Variants in EPB41L2 observed in about 807,000 individuals in gnomAD.
EPB41L2 encodes the protein erythrocyte membrane protein band 4.1 like 2, also known as band 4.1-like protein 2.
In EPB41L2, 43 loss-of-function variants were observed where a neutral mutation model predicts 113.0. That is an observed-to-expected ratio of 0.38 (90% CI 0.30 to 0.49). EPB41L2 has a LOEUF of 0.49. Among genes scored for constraint, EPB41L2 ranks in the 20% least tolerant of loss-of-function variants. The pLI, the probability that EPB41L2 is intolerant of heterozygous loss-of-function variation, is 0.95. For missense variants in EPB41L2, 1,147 were observed against 1,223.4 expected (o/e 0.94, Z 0.93); for synonymous variants, 442 against 436.7 (o/e 1.01, Z -0.15).
chr6:130,847,553 A>G (rs929122085), intron 19 of EPB41L2, among the ~76,000 whole-genome samples: 4 of 152,206 alleles, frequency 2.6e-5, no homozygotes, highest in Admixed American at 1.3e-4. Flanking sequence ...GAATTGCATT[A>G]TATCTTTAGG....
intron 14 of EPB41L2, among the ~76,000 whole-genome samples, chr6:130,877,727 CTTTA>C (rs988609933): frequency 2.0e-5 from 3 of 151,958 alleles, no homozygotes; most frequent in Non-Finnish European, 4.4e-5. Context: ...GCCTATATTT[CTTTA>C]TTTATTAATT....
At chr6:130,934,637 T>G (rs1808130941) in intron 3 of EPB41L2, among the ~76,000 whole-genome samples, 1 of 152,020 alleles carries the variant, frequency 6.6e-6, no homozygotes, top group Admixed American at 6.6e-5. Flanking sequence ...CATGCCTGGC[T>G]AATTTTTAAA....
chr6:130,849,945 C>G (rs1454812948), intron 19 of EPB41L2, among the ~76,000 whole-genome samples: 1 of 152,038 alleles, frequency 6.6e-6, no homozygotes, highest in Non-Finnish European at 1.5e-5. Context: ...GTCAAAAACC[C>G]TTGGTGGGCA....
chr6:130,908,397 T>C (rs982209478), intron 5 of EPB41L2, among the ~76,000 whole-genome samples: 2 of 152,128 alleles, frequency 1.3e-5, no homozygotes, highest in Non-Finnish European at 2.9e-5. Context: ...CTCACTCCAG[T>C]ACATCCAGGA....
At chr6:130,894,925 C>T (rs1439112566) in intron 9 of EPB41L2, 42 bp downstream of exon 9, 5 of 1,561,948 alleles carry the variant, frequency 3.2e-6, no homozygotes. Context: ...TGGTCGTAAA[C>T]AGGCCGACTA....
chr6:130,872,816 C>T (rs1786203023), intron 14 of EPB41L2, among the ~76,000 whole-genome samples: 2 of 152,136 alleles, frequency 1.3e-5, no homozygotes, highest in Admixed American at 1.3e-4. Flanking sequence ...CCGACCCACC[C>T]AAACGCCATT....
At chr6:130,958,771 A>C (rs1033883080) in intron 1 of EPB41L2, among the ~76,000 whole-genome samples, 1 of 152,222 alleles carries the variant, frequency 6.6e-6, no homozygotes, top group Admixed American at 6.5e-5. Context: ...TAATGAAGTA[A>C]GAAAGGAAGG....
chr6:131,062,753 C>T (rs1320347267), intron 1 of EPB41L2, among the ~76,000 whole-genome samples: 1 of 152,090 alleles, frequency 6.6e-6, no homozygotes, highest in South Asian at 2.1e-4. Context: ...GACGCGTGAC[C>T]TGAGCCCACG....
intron 10 of EPB41L2, among the ~76,000 whole-genome samples, chr6:130,890,910 T>C (rs1792622453): frequency 6.6e-6 from 1 of 152,220 alleles, no homozygotes. Flanking sequence ...AAGTGATTCT[T>C]TCCCATGAAG....
At chr6:131,054,936 A>T (rs1164814926) in intron 1 of EPB41L2, among the ~76,000 whole-genome samples, 1 of 152,224 alleles carries the variant, frequency 6.6e-6, no homozygotes, top group Non-Finnish European at 1.5e-5. Context: ...GATGTACCTA[A>T]TCACAAGAAA....
intron 7 of EPB41L2, among the ~76,000 whole-genome samples, chr6:130,900,451 A>G (rs1795977456): frequency 6.6e-6 from 1 of 152,216 alleles, no homozygotes; most frequent in Non-Finnish European, 1.5e-5. Flanking sequence ...GTATTAATGT[A>G]ATGTTAAGTA....
intron 12 of EPB41L2, chr6:130,882,506 G>A (rs1789636984): frequency 6.6e-6 from 1 of 152,660 alleles, no homozygotes; most frequent in Admixed American, 6.5e-5. Context: ...CTGAGCTTAC[G>A]TAGGCATGCC....
At chr6:130,898,077 T>A (rs9402297) in intron 8 of EPB41L2, among the ~76,000 whole-genome samples, 6,861 of 113,224 alleles carry the variant, frequency 0.061, 567 homozygotes, top group East Asian at 0.46. Flanking sequence ...TTAGAAGGCA[T>A]GTGAATTCAA....
chr6:131,050,691 T>TA (rs1796342087), intron 1 of EPB41L2, among the ~76,000 whole-genome samples: 1 of 152,236 alleles, frequency 6.6e-6, no homozygotes, highest in South Asian at 2.1e-4. Flanking sequence ...TTTTCACCCT[T>TA]ACAATATTTA....
chr6:130,875,902 T>C (rs1048681690), intron 14 of EPB41L2, among the ~76,000 whole-genome samples: 6 of 151,488 alleles, frequency 4.0e-5, no homozygotes, highest in Non-Finnish European at 7.4e-5. Flanking sequence ...GGAAAGTTGC[T>C]TGAACCCAGG....
intron 19 of EPB41L2, among the ~76,000 whole-genome samples, chr6:130,842,087 C>A (rs1418743066): frequency 6.6e-6 from 1 of 152,152 alleles, no homozygotes; most frequent in Non-Finnish European, 1.5e-5. Flanking sequence ...CTCCCAAAGT[C>A]AATTAGAATG....
In EPB41L2 at chr6:130,955,247, C is replaced by G. The variant is rs1243142263; in HGVS notation, c.563G>C (p.Gly188Ala). 1 of 1,614,072 alleles carries G rather than the reference C, an allele frequency of 6.2e-7. No homozygotes were observed. Among genetic ancestry groups the G allele is most frequent in the Admixed American group, 1.7e-5 (1 of 60,020 alleles). Residue 188 changes from glycine to alanine, a missense_variant, in exon 3 of 20, where the codon GGA (glycine) becomes GCA (alanine). Transcript: ENST00000337057. ...KETQEDKLEG[G>A]AAKRETKEVQ... ...TTCCTTGGTCTCCCTTTTTGCTGCT[C>G]CTCCTTCTAATTTGTCTTCCTGTGT...
intron 3 of EPB41L2, among the ~76,000 whole-genome samples, chr6:130,954,741 TA>T (rs1422262847): frequency 6.6e-6 from 1 of 152,206 alleles, no homozygotes; most frequent in Non-Finnish European, 1.5e-5. Context: ...TGTCTCAGGA[TA>T]AAACACTTGG....
chr6:130,954,213 T>C lies in EPB41L2; in HGVS notation c.705+892A>G, dbSNP rs181878769. ...GAATACTGGCGCCCGCCACTACGCC[T>C]GGCTAATTTTTTTGTATTTTTAGTA... is the stretch of plus-strand genomic sequence containing the variant. On this transcript the variant is annotated intron_variant, in intron 3 of 19. Transcript: ENST00000337057. Among the ~76,000 whole-genome samples the C allele has an allele frequency of 6.2e-3, 937 of 151,882 alleles. 9 individuals are homozygous for C. Among genetic ancestry groups the C allele is most frequent in the African/African-American group, 0.022 (905 of 41,464 alleles).
Sources: gnomAD v4.1 joint callset for allele counts (sites outside exome capture counted in the v4.1 genomes callset) on GRCh38, gnomAD v4.1.1 for gene constraint, MANE v1.5 for transcripts, NCBI Gene and HGNC (gene_info 2026-07-23, HGNC 2026-07-21) for gene names.